The following SGCZ variants were observed in gnomAD, a reference collection of about 807,000 sequenced individuals.
SGCZ encodes the protein zeta-sarcoglycan.
In SGCZ, 40 loss-of-function variants were observed where a neutral mutation model predicts 41.3. That is an observed-to-expected ratio of 0.97 (90% CI 0.75 to 1.26). The LOEUF (loss-of-function observed/expected upper bound fraction) is 1.26, where lower values mean the gene tolerates loss of function less well. Ranked by LOEUF, SGCZ falls within the 50% of genes most tolerant of loss-of-function variation. The pLI is 0.00. For synonymous variants in SGCZ, 206 were observed against 137.5 expected, an observed-to-expected ratio of 1.50 and a Z score of -3.49; for missense variants, 552 against 369.8, an observed-to-expected ratio of 1.49 and a Z score of -4.04.
At chr8:14,387,511 G>C (rs1385858484) in intron 2 of SGCZ, among the ~76,000 whole-genome samples, 1 of 152,086 alleles carries the variant, frequency 6.6e-6, no homozygotes, top group Non-Finnish European at 1.5e-5. Context: ...ACAATTTGAA[G>C]ATCATTGCTG....
intron 4 of SGCZ, among the ~76,000 whole-genome samples, chr8:14,234,850 G>A (rs541265535): frequency 7.8e-4 from 118 of 152,186 alleles, no homozygotes; most frequent in Admixed American, 1.9e-3. Context: ...TTCTGAACAT[G>A]GGATACACTT....
intron 3 of SGCZ, among the ~76,000 whole-genome samples, chr8:14,250,134 G>A (rs949804759): frequency 3.3e-5 from 5 of 152,186 alleles, no homozygotes; most frequent in African/African-American, 1.2e-4. Flanking sequence ...TACTCTTTGA[G>A]TAGAATGACT....
chr8:14,949,159 T>C (rs1376981795), intron 1 of SGCZ, among the ~76,000 whole-genome samples: 1 of 152,164 alleles, frequency 6.6e-6, no homozygotes, highest in East Asian at 1.9e-4. Context: ...AATAGCAGTA[T>C]ATATACTAAG....
intron 1 of SGCZ, among the ~76,000 whole-genome samples, chr8:14,643,460 G>T (rs1047067801): frequency 1.3e-5 from 2 of 151,444 alleles, no homozygotes; most frequent in Admixed American, 1.3e-4. Context: ...ACAATTAGAA[G>T]GGGTAGAGTT....
intron 4 of SGCZ, among the ~76,000 whole-genome samples, chr8:14,223,806 G>A (rs1806283611): frequency 6.6e-6 from 1 of 152,082 alleles, no homozygotes; most frequent in South Asian, 2.1e-4. Context: ...AAATAAAGTA[G>A]GGTAACTCTG....
intron 1 of SGCZ, among the ~76,000 whole-genome samples, chr8:14,871,495 T>A (rs1033161657): frequency 1.3e-5 from 2 of 151,784 alleles, no homozygotes; most frequent in Admixed American, 6.6e-5. Context: ...CAAATGACCA[T>A]CAATGATAGA....
rs548799414 is a variant in SGCZ at position 14,277,928 on chromosome 8, G to A, written c.337-40249C>T. Among the ~76,000 whole-genome samples the A allele has an allele frequency of 1.6e-4, 25 of 152,234 alleles. No homozygotes were observed. In the South Asian group the frequency reaches 4.8e-3, roughly 29 times the overall value. On this transcript the variant is annotated intron_variant, in intron 3 of 7. Coordinates refer to ENST00000382080, the MANE Select transcript of SGCZ (RefSeq NM_139167.4). The stretch of plus-strand genomic sequence containing the variant: ...AAAAGAAAAAAGAAAAAGAGACAGA[G>A]AGAGAGACAGACAAAAGAAGTCATC...
intron 1 of SGCZ, among the ~76,000 whole-genome samples, chr8:15,055,344 T>C (rs1006068106): frequency 1.3e-5 from 2 of 152,244 alleles, no homozygotes; most frequent in African/African-American, 2.4e-5. Flanking sequence ...TAGTACTCAA[T>C]TATTTTTATT....
intron 4 of SGCZ, among the ~76,000 whole-genome samples, chr8:14,196,195 C>A (rs138063665): frequency 6.6e-6 from 1 of 151,260 alleles, no homozygotes; most frequent in Non-Finnish European, 1.5e-5. Flanking sequence ...AACATTAAAG[C>A]AATCAGTAAA....
intron 1 of SGCZ, among the ~76,000 whole-genome samples, chr8:14,799,855 G>C (rs73533031): frequency 3.3e-5 from 5 of 152,064 alleles, no homozygotes; most frequent in African/African-American, 1.2e-4. Context: ...TTATAGCTAA[G>C]CATTGGCTTC....
At chr8:14,378,247 T>C (rs1187859562) in intron 2 of SGCZ, among the ~76,000 whole-genome samples, 5 of 151,850 alleles carry the variant, frequency 3.3e-5, no homozygotes, top group East Asian at 1.9e-4. Context: ...TGGTATCTCA[T>C]TGTGGTTTTG....
chr8:14,531,825 T>C (rs1476734666), intron 2 of SGCZ, among the ~76,000 whole-genome samples: 1 of 152,100 alleles, frequency 6.6e-6, no homozygotes, highest in Non-Finnish European at 1.5e-5. Context: ...ATTTGAATAA[T>C]GTAATTAATG....
intron 3 of SGCZ, among the ~76,000 whole-genome samples, chr8:14,241,882 C>T (rs867456886): frequency 3.8e-4 from 58 of 152,114 alleles, no homozygotes; most frequent in African/African-American, 1.3e-3. Context: ...ATATTTTTTT[C>T]TGATAGGCTA....
chr8:15,126,233 C>G (rs1374130771), intron 1 of SGCZ, among the ~76,000 whole-genome samples: 1 of 152,138 alleles, frequency 6.6e-6, no homozygotes, highest in Non-Finnish European at 1.5e-5. Flanking sequence ...ATGATTAATG[C>G]TGTATTTTTT....
chr8:14,411,974 G>A (rs959293268), intron 2 of SGCZ, among the ~76,000 whole-genome samples: 2 of 152,078 alleles, frequency 1.3e-5, no homozygotes, highest in Non-Finnish European at 2.9e-5. Flanking sequence ...AGTATACTGA[G>A]TAAAAATACA....
At chr8:14,182,593 T>C (rs1321141795) in intron 4 of SGCZ, among the ~76,000 whole-genome samples, 1 of 152,134 alleles carries the variant, frequency 6.6e-6, no homozygotes, top group Non-Finnish European at 1.5e-5. Context: ...TACGAAGGTT[T>C]TCTCATAACA....
At chr8:15,209,735 C>G (rs1455091135) in intron 1 of SGCZ, among the ~76,000 whole-genome samples, 1 of 151,338 alleles carries the variant, frequency 6.6e-6, no homozygotes, top group African/African-American at 2.4e-5. Flanking sequence ...TCGTTGACCA[C>G]CAGAAATGAC....
chr8:14,618,651 G>A (rs988615625), intron 1 of SGCZ, among the ~76,000 whole-genome samples: 1 of 152,156 alleles, frequency 6.6e-6, no homozygotes, highest in Non-Finnish European at 1.5e-5. Flanking sequence ...ATTTTAAAGA[G>A]CGGGATAACT....
chr8:14,732,012 G>A (rs1253178338), intron 1 of SGCZ, among the ~76,000 whole-genome samples: 1 of 152,166 alleles, frequency 6.6e-6, no homozygotes, highest in African/African-American at 2.4e-5. Context: ...GAGTTAAAAG[G>A]AATCTCAATC....
Sources: gnomAD v4.1 joint callset for allele counts (sites outside exome capture counted in the v4.1 genomes callset) on GRCh38, gnomAD v4.1.1 for gene constraint, MANE v1.5 for transcripts, NCBI Gene and HGNC (gene_info 2026-07-23, HGNC 2026-07-21) for gene names.